The following KHDRBS2 variants were observed in gnomAD, a reference collection of about 807,000 sequenced individuals.
The protein encoded by KHDRBS2 is KH RNA binding domain containing, signal transduction associated 2, also known as KH domain-containing, RNA-binding, signal transduction-associated protein 2.
In KHDRBS2, 26 loss-of-function variants were observed where a neutral mutation model predicts 44.3. The ratio of observed to expected loss-of-function variants is 0.59; its 90% CI spans 0.43 to 0.81. The LOEUF is 0.81. KHDRBS2 is among the 40% of genes least tolerant of loss of function. The pLI, the probability that KHDRBS2 is intolerant of heterozygous loss-of-function variation, is 0.00. For synonymous variants in KHDRBS2, 194 were observed against 151.1 expected, an observed-to-expected ratio of 1.28 and a Z score of -2.08; for missense variants, 476 against 433.1, an observed-to-expected ratio of 1.10 and a Z score of -0.88.
chr6:61,907,030 G>T (rs941870734), intron 4 of KHDRBS2, among the ~76,000 whole-genome samples: 2 of 152,098 alleles, frequency 1.3e-5, no homozygotes, highest in Admixed American at 1.3e-4. Flanking sequence ...CCACCAAACA[G>T]TGTATGAGGG....
chr6:62,110,965 T>C (rs1017308990), intron 2 of KHDRBS2, among the ~76,000 whole-genome samples: 2 of 152,082 alleles, frequency 1.3e-5, no homozygotes, highest in Non-Finnish European at 2.9e-5. Flanking sequence ...TTAGAATTTG[T>C]TTTTAAGTAT....
At chr6:62,227,274 C>T (rs1234647660) in intron 1 of KHDRBS2, among the ~76,000 whole-genome samples, 2 of 152,072 alleles carry the variant, frequency 1.3e-5, no homozygotes, top group Non-Finnish European at 2.9e-5. Context: ...ATTCTATTCT[C>T]TTTGTAGCAA....
chr6:61,839,479 G>A (rs1364500910), intron 6 of KHDRBS2, among the ~76,000 whole-genome samples: 1 of 152,110 alleles, frequency 6.6e-6, no homozygotes, highest in Admixed American at 6.6e-5. Context: ...AGGCAAATGT[G>A]TTTAATAGTC....
chr6:61,698,211 A>G (rs1390606308), intron 7 of KHDRBS2, among the ~76,000 whole-genome samples: 2 of 151,870 alleles, frequency 1.3e-5, no homozygotes, highest in South Asian at 2.1e-4. Flanking sequence ...TGCTTCAGAT[A>G]TCTCCTCTTT....
the KHDRBS2 span, among the ~76,000 whole-genome samples, chr6:61,634,879 T>C: frequency 6.6e-6 from 1 of 152,212 alleles, no homozygotes; most frequent in African/African-American, 2.4e-5. Context: ...ATCTGGCTTA[T>C]TGCAGCAGCC....
intron 4 of KHDRBS2, among the ~76,000 whole-genome samples, chr6:61,973,280 A>C (rs1032187187): frequency 2.0e-5 from 3 of 152,126 alleles, no homozygotes; most frequent in African/African-American, 7.2e-5. Context: ...TATCTACTAG[A>C]CTGAAAATTC....
chr6:61,701,230 A>G (rs1393908559), intron 7 of KHDRBS2, among the ~76,000 whole-genome samples: 1 of 151,970 alleles, frequency 6.6e-6, no homozygotes, highest in Non-Finnish European at 1.5e-5. Flanking sequence ...ACAAATTATA[A>G]GAGCTCAAAT....
chr6:62,170,863 C>T (rs138660120), intron 2 of KHDRBS2, among the ~76,000 whole-genome samples: 3 of 151,926 alleles, frequency 2.0e-5, no homozygotes, highest in Admixed American at 2.0e-4. Context: ...TGAGCTGTGG[C>T]CCCCTGAAAT....
At chr6:62,047,698 A>C (rs1464979857) in intron 3 of KHDRBS2, among the ~76,000 whole-genome samples, 180 bp downstream of exon 3, 1 of 151,886 alleles carries the variant, frequency 6.6e-6, no homozygotes, top group Non-Finnish European at 1.5e-5. Context: ...AAAAGAAGGG[A>C]GGCCAATAAT....
the KHDRBS2 span, among the ~76,000 whole-genome samples, chr6:61,607,420 A>G: frequency 6.6e-6 from 1 of 150,908 alleles, no homozygotes; most frequent in South Asian, 2.1e-4. Context: ...GATTTTAAAA[A>G]ACAATAAAAT....
chr6:61,954,458 T>G (rs778114714), intron 4 of KHDRBS2, among the ~76,000 whole-genome samples: 1 of 100,812 alleles, frequency 9.9e-6, no homozygotes, highest in Admixed American at 9.1e-5. Flanking sequence ...CGTATGTATG[T>G]ATGTATACGT....
chr6:61,644,828 G>T, the KHDRBS2 span, among the ~76,000 whole-genome samples: 1 of 152,202 alleles, frequency 6.6e-6, no homozygotes, highest in South Asian at 2.1e-4. Flanking sequence ...CAAGGTTGTG[G>T]AGAAAAGGGA....
At chr6:61,605,859 C>G in the KHDRBS2 span, among the ~76,000 whole-genome samples, 1 of 152,166 alleles carries the variant, frequency 6.6e-6, no homozygotes, top group Non-Finnish European at 1.5e-5. Flanking sequence ...GCCATCATAT[C>G]CCCTGTGACT....
At chr6:61,726,919 AT>A (rs1417385547) in intron 7 of KHDRBS2, among the ~76,000 whole-genome samples, 1 of 152,110 alleles carries the variant, frequency 6.6e-6, no homozygotes, top group Non-Finnish European at 1.5e-5. Context: ...TTAGAAAAAA[AT>A]ATTTTAAAAT....
intron 2 of KHDRBS2, among the ~76,000 whole-genome samples, chr6:62,082,559 C>G (rs1408214178): frequency 6.6e-6 from 1 of 152,054 alleles, no homozygotes; most frequent in East Asian, 1.9e-4. Context: ...CATCTGTCTT[C>G]TAACATTTGA....
At chr6:61,738,487 T>C (rs1222638312) in intron 6 of KHDRBS2, among the ~76,000 whole-genome samples, 2 of 151,990 alleles carry the variant, frequency 1.3e-5, no homozygotes, top group Admixed American at 6.6e-5. Context: ...AATCTTGGCT[T>C]CTTTCTGAGT....
chr6:61,973,592 GGAAA>G (rs1321716663), intron 4 of KHDRBS2, among the ~76,000 whole-genome samples: 2 of 151,872 alleles, frequency 1.3e-5, no homozygotes, highest in Admixed American at 1.3e-4. Context: ...AACTAATGCA[GGAAA>G]GAAAGAAACT....
At chr6:61,729,729 T>C (rs760916968) in intron 7 of KHDRBS2, among the ~76,000 whole-genome samples, 19 of 152,174 alleles carry the variant, frequency 1.2e-4, no homozygotes, top group Non-Finnish European at 2.1e-4. Flanking sequence ...TTATTTGCAA[T>C]TTGTATATCT....
intron 6 of KHDRBS2, among the ~76,000 whole-genome samples, chr6:61,852,557 C>T (rs1477022139): frequency 7.5e-5 from 11 of 146,308 alleles, no homozygotes; most frequent in South Asian, 4.4e-4. Flanking sequence ...AGCGAGACTC[C>T]GTCTCAAAAA....
Sources: gnomAD v4.1 joint callset for allele counts (sites outside exome capture counted in the v4.1 genomes callset) on GRCh38, gnomAD v4.1.1 for gene constraint, MANE v1.5 for transcripts, NCBI Gene and HGNC (gene_info 2026-07-23, HGNC 2026-07-21) for gene names.